ITSN1: variants seen among roughly 807,000 people sequenced by gnomAD.
ITSN1 encodes the protein intersectin 1, also known as intersectin-1.
A neutral mutation model predicts 239.8 loss-of-function variants in ITSN1; 58 were observed. That is an observed-to-expected ratio of 0.24 (90% CI 0.20 to 0.30). The LOEUF (loss-of-function observed/expected upper bound fraction) is 0.30. Among genes scored for constraint, ITSN1 ranks in the 10% least tolerant of loss-of-function variants. ITSN1 has a pLI of 1.00. For synonymous variants in ITSN1, 780 were observed against 770.8 expected, an observed-to-expected ratio of 1.01 and a Z score of -0.20; for missense variants, 1,558 against 2,103.3, an observed-to-expected ratio of 0.74 and a Z score of 5.07.
At chr21:33,665,288 A>G (rs952313940) in intron 1 of ITSN1, among the ~76,000 whole-genome samples, 6 of 152,040 alleles carry the variant, frequency 3.9e-5, no homozygotes, top group Admixed American at 6.6e-5. Context: ...AATAGACATA[A>G]TGCAAGATAA....
At chr21:33,671,448 G>A (rs989952767) in intron 1 of ITSN1, among the ~76,000 whole-genome samples, 5 of 151,698 alleles carry the variant, frequency 3.3e-5, no homozygotes, top group African/African-American at 1.2e-4. Flanking sequence ...CACCACGCCC[G>A]ACTAATTTTG....
intron 9 of ITSN1, among the ~76,000 whole-genome samples, chr21:33,764,816 G>A (rs1482154200): frequency 6.6e-6 from 1 of 152,194 alleles, no homozygotes; most frequent in East Asian, 1.9e-4. Flanking sequence ...TCCAGAAATT[G>A]TTTAGTAAAA....
chr21:33,808,043 C>T (rs1218886030), intron 20 of ITSN1, among the ~76,000 whole-genome samples: 11 of 151,484 alleles, frequency 7.3e-5, no homozygotes, highest in South Asian at 2.1e-4. Context: ...AAAAATTAGC[C>T]GGGCGCGGTG....
At chr21:33,794,640 C>T (rs951787580) in intron 17 of ITSN1, among the ~76,000 whole-genome samples, 172 bp downstream of exon 17, 1 of 152,218 alleles carries the variant, frequency 6.6e-6, no homozygotes, top group African/African-American at 2.4e-5. Context: ...TTGCATGTAT[C>T]AGTACCCTCT....
chr21:33,886,475 G>A lies in ITSN1; in HGVS notation c.5017+15G>A, dbSNP rs1282740638. On this transcript the variant is annotated intron_variant, in intron 39 of 39. Transcript: ENST00000381318. The stretch of plus-strand genomic sequence containing the variant: ...CTCACCAGATGGTGAGTGGAACGCG[G>A]CCCTGTGGTTATTCCTCCTTCCCTG... The A allele has an allele frequency of 2.0e-6, 3 of 1,528,584 alleles. No homozygotes were observed. Among genetic ancestry groups the A allele is most frequent in the African/African-American group, 1.4e-5 (1 of 71,112 alleles). The allele number at this position is 1,528,584 out of a possible 1,614,324, so 94.7% of individuals were successfully genotyped here.
chr21:33,733,690 A>G (rs1276995180), intron 4 of ITSN1, among the ~76,000 whole-genome samples: 1 of 152,186 alleles, frequency 6.6e-6, no homozygotes, highest in African/African-American at 2.4e-5. Flanking sequence ...GCAAATCCAA[A>G]TGGCCACGAA....
intron 5 of ITSN1, among the ~76,000 whole-genome samples, chr21:33,744,136 G>A (rs1185836913): frequency 6.6e-6 from 1 of 152,118 alleles, no homozygotes; most frequent in African/African-American, 2.4e-5. Flanking sequence ...ACTGTCAATT[G>A]GATACGATAA....
chr21:33,675,159 C>T (rs961382489), intron 1 of ITSN1, among the ~76,000 whole-genome samples: 7 of 152,030 alleles, frequency 4.6e-5, no homozygotes, highest in Non-Finnish European at 8.8e-5. Context: ...CTTTTTTAGG[C>T]GCAGAGTATC....
intron 1 of ITSN1, among the ~76,000 whole-genome samples, chr21:33,665,478 G>A (rs971090088): frequency 6.6e-6 from 1 of 151,810 alleles, no homozygotes; most frequent in Non-Finnish European, 1.5e-5. Flanking sequence ...TTTTTAAAAA[G>A]GAAAATAACA....
intron 8 of ITSN1, among the ~76,000 whole-genome samples, chr21:33,760,047 A>G (rs1285237673): frequency 6.6e-6 from 1 of 152,030 alleles, no homozygotes; most frequent in Non-Finnish European, 1.5e-5. Flanking sequence ...GGTTGCAGGG[A>G]GCCAAGATGG....
intron 4 of ITSN1, among the ~76,000 whole-genome samples, chr21:33,730,633 C>T (rs2066121317): frequency 6.6e-6 from 1 of 151,820 alleles, no homozygotes; most frequent in South Asian, 2.1e-4. Context: ...AACTCCTGAC[C>T]TCATGATCCA....
At chr21:33,842,005 C>T (rs966005715) in intron 29 of ITSN1, among the ~76,000 whole-genome samples, 3 of 149,818 alleles carry the variant, frequency 2.0e-5, no homozygotes, top group Non-Finnish European at 4.4e-5. Flanking sequence ...CGGCTCACTG[C>T]AAGCTCTGCC....
intron 14 of ITSN1, among the ~76,000 whole-genome samples, chr21:33,780,260 T>C (rs989981000): frequency 1.3e-5 from 2 of 152,248 alleles, no homozygotes; most frequent in Admixed American, 1.3e-4. Flanking sequence ...TAAAGATTGA[T>C]GTTTAGACTG....
At position 33,886,474 on chromosome 21, in the gene ITSN1, G is replaced by A. The variant is rs369942321; in HGVS notation, c.5017+14G>A. The A allele has an allele frequency of 9.4e-5, 143 of 1,528,978 alleles. No individual in the cohort carries two copies. In the African/African-American group the frequency reaches 1.5e-3, roughly 16 times the overall value. The allele number at this position is 1,528,978 out of a possible 1,614,324, so 94.7% of individuals were successfully genotyped here. The stretch of plus-strand genomic sequence containing the variant: ...TCTCACCAGATGGTGAGTGGAACGC[G>A]GCCCTGTGGTTATTCCTCCTTCCCT... On this transcript the variant is annotated intron_variant, in intron 39 of 39. Transcript: ENST00000381318.
intron 1 of ITSN1, among the ~76,000 whole-genome samples, chr21:33,690,324 G>A (rs909796285): frequency 1.1e-4 from 17 of 151,564 alleles, no homozygotes; most frequent in Non-Finnish European, 1.8e-4. Context: ...GGCGTGGCCC[G>A]GTGCAGTGGC....
intron 8 of ITSN1, among the ~76,000 whole-genome samples, chr21:33,758,587 C>A (rs948503563): frequency 6.6e-6 from 1 of 152,160 alleles, no homozygotes; most frequent in Non-Finnish European, 1.5e-5. Context: ...ATGTAAGAAG[C>A]TCTAGAACTC....
At chr21:33,734,981 G>A in intron 4 of ITSN1, 63 bp from the exon 5 acceptor site, 1 of 1,424,472 alleles carries the variant, frequency 7.0e-7, no homozygotes, top group African/African-American at 1.4e-5. Flanking sequence ...TGGTGGGAGT[G>A]GTGGTTTTGG....
chr21:33,735,379 A>C, intron 5 of ITSN1, 175 bp downstream of exon 5: 1 of 725,768 alleles, frequency 1.4e-6, no homozygotes, highest in Non-Finnish European at 2.5e-6. Context: ...GCATGTTCAC[A>C]TTTGAACCCT....
chr21:33,720,138 A>T (rs547230311), intron 2 of ITSN1, among the ~76,000 whole-genome samples: 8 of 152,180 alleles, frequency 5.3e-5, no homozygotes, highest in Non-Finnish European at 1.0e-4. Context: ...TTTCTTCTAG[A>T]AGTTGCAGAA....
Sources: allele counts gnomAD v4.1 joint callset (sites outside exome capture counted in the v4.1 genomes callset), GRCh38; gene constraint gnomAD v4.1.1; transcripts MANE v1.5; gene names NCBI Gene and HGNC (gene_info 2026-07-23, HGNC 2026-07-21).